The following CCDC91 variants were observed in gnomAD, a reference collection of about 807,000 sequenced individuals.
CCDC91 encodes coiled-coil domain containing 91, also known as coiled-coil domain-containing protein 91.
A neutral mutation model predicts 63.2 loss-of-function variants in CCDC91; 48 were observed. The observed-to-expected ratio is 0.76, with a 90% CI of 0.60 to 0.97. CCDC91 has a LOEUF of 0.97. Ranked by LOEUF, CCDC91 falls within the 50% of genes least tolerant of loss-of-function variation. The probability of loss-of-function intolerance (pLI) is 0.00; values close to 1 mark genes in which losing one functional copy is unlikely to be tolerated. For missense variants in CCDC91, 500 were observed against 494.6 expected (o/e 1.01, Z -0.10); for synonymous variants, 167 against 165.8 (o/e 1.01, Z -0.06).
At chr12:28,472,505 AGAG>A (rs1232512468) in intron 11 of CCDC91, among the ~76,000 whole-genome samples, 2 of 152,192 alleles carry the variant, frequency 1.3e-5, no homozygotes, top group Non-Finnish European at 1.5e-5. Context: ...TCTAATGAAA[AGAG>A]GAGAATTCTC....
intron 8 of CCDC91, among the ~76,000 whole-genome samples, chr12:28,415,364 T>C (rs11049581): frequency 0.22 from 33,159 of 151,880 alleles, 4,356 homozygotes; most frequent in Non-Finnish European, 0.3. Context: ...GCTGGGATTA[T>C]AGGCATGCAC....
Position 28,471,942 on chromosome 12 carries a change from G to A in CCDC91, c.1102-12110G>A, listed in dbSNP as rs138133022. The stretch of plus-strand genomic sequence containing the variant: ...ATTTTTGAATTTTTAGTAGAGATGG[G>A]GTTTTGCCCTGTTGGCCAGGCTGGT... On this transcript the variant is annotated intron_variant, in intron 11 of 12. Transcript: ENST00000536442. Among the ~76,000 whole-genome samples, 29 of 152,100 alleles carry A rather than the reference G, an allele frequency of 1.9e-4. No individual in the cohort carries two copies. In the East Asian group the frequency reaches 2.5e-3, roughly 13 times the overall value.
chr12:28,344,406 A>T (rs530599136), intron 6 of CCDC91, among the ~76,000 whole-genome samples: 6 of 152,138 alleles, frequency 3.9e-5, no homozygotes, highest in Non-Finnish European at 7.4e-5. Flanking sequence ...AGAGTAGAAG[A>T]AGTTTCCCTG....
intron 8 of CCDC91, among the ~76,000 whole-genome samples, chr12:28,442,635 G>C (rs1427228057): frequency 6.6e-6 from 1 of 151,988 alleles, no homozygotes; most frequent in Admixed American, 6.6e-5. Flanking sequence ...CACTCAGAGG[G>C]CATGGATCTA....
chr12:28,308,962 C>G (rs1939031525), intron 6 of CCDC91, among the ~76,000 whole-genome samples: 1 of 151,888 alleles, frequency 6.6e-6, no homozygotes, highest in Non-Finnish European at 1.5e-5. Flanking sequence ...TATTTTCATT[C>G]CAATATACAT....
chr12:28,493,094 A>G (rs941016105), intron 12 of CCDC91, among the ~76,000 whole-genome samples: 3 of 151,636 alleles, frequency 2.0e-5, no homozygotes, highest in African/African-American at 7.3e-5. Context: ...AGTTTGTCCA[A>G]CATACAATAA....
At chr12:28,218,630 C>G (rs569452519) in intron 1 of CCDC91, among the ~76,000 whole-genome samples, 5 of 152,044 alleles carry the variant, frequency 3.3e-5, no homozygotes, top group African/African-American at 9.6e-5. Flanking sequence ...CTGGCAACCA[C>G]TGATTTGCTT....
chr12:28,479,256 A>G (rs1398854228), intron 11 of CCDC91, among the ~76,000 whole-genome samples: 1 of 152,204 alleles, frequency 6.6e-6, no homozygotes. Flanking sequence ...AATGTGACAC[A>G]TGTACACCAT....
At chr12:28,397,441 C>T (rs1379889653) in intron 8 of CCDC91, among the ~76,000 whole-genome samples, 3 of 151,924 alleles carry the variant, frequency 2.0e-5, no homozygotes, top group African/African-American at 4.8e-5. Context: ...CCTTGTATTT[C>T]GGCCTAGAAG....
intron 3 of CCDC91, among the ~76,000 whole-genome samples, chr12:28,294,217 A>T (rs1172910423): frequency 6.6e-6 from 1 of 152,194 alleles, no homozygotes; most frequent in African/African-American, 2.4e-5. Context: ...GTACCAGGTC[A>T]ATGACAGTTC....
intron 12 of CCDC91, among the ~76,000 whole-genome samples, chr12:28,500,026 T>C (rs1339357653): frequency 6.6e-6 from 1 of 152,160 alleles, no homozygotes; most frequent in Admixed American, 6.6e-5. Context: ...GACTTTTTAA[T>C]GATCGCCATT....
At chr12:28,317,426 A>G (rs1940009617) in intron 6 of CCDC91, among the ~76,000 whole-genome samples, 1 of 151,990 alleles carries the variant, frequency 6.6e-6, no homozygotes, top group Admixed American at 6.6e-5. Flanking sequence ...GATTGCTGGG[A>G]CCTGGAGTTC....
intron 3 of CCDC91, among the ~76,000 whole-genome samples, chr12:28,277,489 A>G (rs1262896786): frequency 6.6e-6 from 1 of 152,082 alleles, no homozygotes; most frequent in East Asian, 1.9e-4. Flanking sequence ...AAACTGTGAA[A>G]TGCTCCAAAA....
chr12:28,228,351 T>C (rs1407759137), intron 1 of CCDC91, among the ~76,000 whole-genome samples: 2 of 152,162 alleles, frequency 1.3e-5, no homozygotes, highest in African/African-American at 4.8e-5. Flanking sequence ...AGATATATTG[T>C]GTACTATATA....
rs189529783 is a variant in CCDC91 at position 28,424,661 on chromosome 12, A to G, written c.763-25500A>G. The stretch of plus-strand genomic sequence containing the variant: ...GGATGTGTCATATTAATAATTTAAA[A>G]TATTAATCCTGAAAAGCTTTTGGGT... On this transcript the variant is annotated intron_variant, in intron 8 of 12. Transcript: ENST00000536442. Among the ~76,000 whole-genome samples, 441 of 152,254 alleles carry G rather than the reference A, an allele frequency of 2.9e-3. 14 individuals carry two copies. The highest frequency in any genetic ancestry group is 0.028 in the Admixed American group (425 of 15,266).
chr12:28,508,161 C>G (rs11049679), intron 12 of CCDC91, among the ~76,000 whole-genome samples: 31,695 of 151,846 alleles, frequency 0.21, 4,341 homozygotes, highest in Non-Finnish European at 0.31. Context: ...TTTGTACACT[C>G]AGATCCACTT....
chr12:28,444,416 A>G (rs777102240), intron 8 of CCDC91, among the ~76,000 whole-genome samples: 1 of 152,224 alleles, frequency 6.6e-6, no homozygotes, highest in Non-Finnish European at 1.5e-5. Flanking sequence ...GCTAGCCAAG[A>G]GAGATTGCAT....
intron 12 of CCDC91, among the ~76,000 whole-genome samples, chr12:28,515,194 G>A (rs1183267375): frequency 6.6e-6 from 1 of 151,680 alleles, no homozygotes; most frequent in Non-Finnish European, 1.5e-5. Flanking sequence ...TTCTAAGATT[G>A]CTGTTTTCTT....
At chr12:28,340,683 A>G (rs1031735608) in intron 6 of CCDC91, among the ~76,000 whole-genome samples, 2 of 152,214 alleles carry the variant, frequency 1.3e-5, no homozygotes, top group African/African-American at 2.4e-5. Context: ...GGGAGCATAC[A>G]GATGGGCAGG....
Sources: gnomAD v4.1 joint callset for allele counts (sites outside exome capture counted in the v4.1 genomes callset) on GRCh38, gnomAD v4.1.1 for gene constraint, MANE v1.5 for transcripts, NCBI Gene and HGNC (gene_info 2026-07-23, HGNC 2026-07-21) for gene names.